PCSK6: variants seen among roughly 807,000 people sequenced by gnomAD.
PCSK6 encodes the protein proprotein convertase subtilisin/kexin type 6, also known as paired basic amino acid cleaving enzyme 4.
PCSK6 carries 85 observed loss-of-function variants against 123.3 expected under a neutral mutation model. The observed-to-expected ratio is 0.69, with a 90% CI of 0.58 to 0.83. The LOEUF (loss-of-function observed/expected upper bound fraction) is 0.83. Among genes scored for constraint, PCSK6 ranks in the 40% least tolerant of loss-of-function variants. PCSK6 has a pLI of 0.00. For missense variants in PCSK6, 1,191 were observed against 1,282.3 expected, an observed-to-expected ratio of 0.93 and a Z score of 1.09; for synonymous variants, 508 against 516.0, an observed-to-expected ratio of 0.98 and a Z score of 0.21.
rs1019672200 is a variant in PCSK6 at position 101,324,992 on chromosome 15, G to A, written c.2235C>T (p.Arg745=). The change falls in exon 17 of 22, where the codon CGC becomes CGT. Residue 745 remains arginine, a synonymous_variant. Coordinates refer to ENST00000611716, the MANE Select transcript of PCSK6 (RefSeq NM_002570.5). ...LGYFGDTAAR[R]CRRCHKGCET... The stretch of plus-strand genomic sequence containing the variant: ...CACACCCCTTGTGGCACCGGCGACA[G>A]CGTCTTGCTGCTGTGTCCCCAAAGT... 1 of 1,612,506 alleles carries A rather than the reference G, an allele frequency of 6.2e-7. No homozygotes were observed. The highest frequency in any genetic ancestry group is 1.3e-5 in the African/African-American group (1 of 74,946).
intron 6 of PCSK6, among the ~76,000 whole-genome samples, chr15:101,422,623 C>CTTT (rs5815013): frequency 6.9e-6 from 1 of 144,942 alleles, no homozygotes. Context: ...TAGAACGAAA[C>CTTT]TTTTTTTTTT....
chr15:101,360,524 GACACACTCCTGCCCGGGGGCCTTA>G, intron 13 of PCSK6, among the ~76,000 whole-genome samples: 1 of 117,380 alleles, frequency 8.5e-6, no homozygotes, highest in African/African-American at 3.4e-5. Flanking sequence ...GAACACACCA[GACACACTCCTGCCCGGGGGCCTTA>G]GCATCCCCTG....
At position 101,331,683 on chromosome 15, in the gene PCSK6, G is replaced by C; in HGVS notation, c.2045C>G (p.Ser682Cys). Residue 682 changes from serine (S) to cysteine (C), a missense_variant, in exon 15 of 22, where the codon TCC becomes TGC. By Grantham distance (112) the Ser-to-Cys change is moderately radical (BLOSUM62 -1). Coordinates refer to ENST00000611716, the MANE Select transcript of PCSK6 (RefSeq NM_002570.5). ...TAAAATATTAGCAGAGCCTGGGGTG[G>C]ATTGAGCTGTGTGAGTGCAAATTGC... ...PEDEEDYTAQSTPGSANILQT... is the reference protein window; with the variant it reads ...PEDEEDYTAQCTPGSANILQT... 6.2e-7 allele frequency: 1 copy of C among 1,613,538 alleles called. No homozygotes were observed. Among genetic ancestry groups the C allele is most frequent in the South Asian group, 1.1e-5 (1 of 90,964 alleles).
At chr15:101,459,455 G>GCC (rs1286540324) in intron 1 of PCSK6, among the ~76,000 whole-genome samples, 1 of 147,930 alleles carries the variant, frequency 6.8e-6, no homozygotes, top group African/African-American at 2.6e-5. Context: ...ATCACCTGCT[G>GCC]CCACCATTCC....
chr15:101,415,237 T>C (rs542726103), intron 6 of PCSK6, among the ~76,000 whole-genome samples: 1 of 152,336 alleles, frequency 6.6e-6, no homozygotes, highest in East Asian at 1.9e-4. Context: ...ATGAACTTGA[T>C]AGAACACACA....
intron 1 of PCSK6, among the ~76,000 whole-genome samples, chr15:101,450,514 T>C (rs1460816209): frequency 6.6e-6 from 1 of 152,182 alleles, no homozygotes; most frequent in Non-Finnish European, 1.5e-5. Context: ...CCCTCCACCA[T>C]AAGCCTTCAA....
Position 101,465,283 on chromosome 15 carries a change from C to T in PCSK6, c.298-21623G>A, listed in dbSNP as rs58926090. 7.6e-3 allele frequency among the ~76,000 whole-genome samples: 1,148 copies of T among 151,308 alleles called. 19 individuals carry two copies. The highest frequency in any genetic ancestry group is 0.026 in the African/African-American group (1,060 of 41,144). ...GACAGGGACACACGCTGACCTCCCA[C>T]TGGCTACTAAACACAGGCCCTAAAC... On this transcript the variant is annotated intron_variant, in intron 1 of 21. Transcript: ENST00000611716.
chr15:101,337,011 CT>C (rs1217392982), intron 13 of PCSK6: 438 of 144,440 alleles, frequency 3.0e-3, no homozygotes, highest in Admixed American at 2.9e-3. Flanking sequence ...CTCTCTCTCT[CT>C]TTTTTTTTTT....
Position 101,324,978 on chromosome 15 carries a change from TG to T in PCSK6, c.2248del (p.His750ThrfsTer28), listed in dbSNP as rs2040216245. On this transcript the variant is annotated frameshift_variant, in exon 17 of 22. Transcript: ENST00000611716. LOFTEE classifies it high-confidence loss of function. ...DTAARRCRRCHKGCETCSSRA... is the reference protein window; with the variant it reads ...DTAARRCRRCXKGCETCSSRA... ...GCTGGAGCAGGTCTCACACCCCTTG[TG>T]GCACCGGCGACAGCGTCTTGCTGCT... is the stretch of plus-strand genomic sequence containing the variant. The T allele has an allele frequency of 1.9e-6, 3 of 1,613,126 alleles. No individual in the cohort carries two copies. Among genetic ancestry groups the T allele is most frequent in the Non-Finnish European group, 2.5e-6 (3 of 1,179,898 alleles).
intron 13 of PCSK6, among the ~76,000 whole-genome samples, chr15:101,348,867 A>T (rs1341818049): frequency 3.3e-5 from 5 of 152,176 alleles, no homozygotes. Context: ...AATCCCGTTC[A>T]GGAGCTCCAG....
At chr15:101,488,085 C>T (rs2058061396) in intron 1 of PCSK6, among the ~76,000 whole-genome samples, 1 of 152,166 alleles carries the variant, frequency 6.6e-6, no homozygotes, top group Admixed American at 6.5e-5. Flanking sequence ...CCTAATAGTA[C>T]ATCAACGTGG....
intron 1 of PCSK6, among the ~76,000 whole-genome samples, chr15:101,475,348 AC>A (rs1386458213): frequency 6.6e-6 from 1 of 152,256 alleles, no homozygotes; most frequent in Non-Finnish European, 1.5e-5. Context: ...GTACTTAAAA[AC>A]AAGGGATGAA....
Position 101,443,587 on chromosome 15 carries a change from C to G in PCSK6, c.371G>C (p.Gly124Ala). Residue 124 changes from glycine to alanine, a missense_variant, in exon 2 of 22, where the codon GGC becomes GCC. Gly to Ala is a moderately conservative substitution (Grantham distance 60). Around this residue, in one of 3 missense-constraint regions of PCSK6, gnomAD observed 204 missense variants for 166.4 expected, o/e 1.23. Transcript: ENST00000611716. ...TFKRSTLSSR[G>A]PHTFLRMDPQ... ...GTCCATTCTGAGGAAGGTGTGAGGGCCTCTGCTACTCAAGGTTGATCTTTT... is the reference window on the plus strand; with the variant it reads ...GTCCATTCTGAGGAAGGTGTGAGGGGCTCTGCTACTCAAGGTTGATCTTTT... 1.9e-6 allele frequency: 3 copies of G among 1,613,814 alleles called. No individual in the cohort carries two copies. The highest frequency in any genetic ancestry group is 2.5e-6 in the Non-Finnish European group (3 of 1,179,728).
At chr15:101,382,070 C>A in intron 11 of PCSK6, 22 bp downstream of exon 11, 1 of 1,544,484 alleles carries the variant, frequency 6.5e-7, no homozygotes, top group Non-Finnish European at 8.8e-7. Context: ...GAGAAGTCAC[C>A]GATGCCACAG....
chr15:101,326,596 C>T lies in PCSK6; in HGVS notation c.2078-117G>A, dbSNP rs2040259419. Reference sequence around the variant, plus strand: ...GGCAGGGTTGGGAGACGCTCCCAGGCCCCGCTGGGGCTGGACGGCCAGACG... The same window carrying T: ...GGCAGGGTTGGGAGACGCTCCCAGGTCCCGCTGGGGCTGGACGGCCAGACG... On this transcript the variant is annotated intron_variant, in intron 15 of 21. Coordinates refer to ENST00000611716, the MANE Select transcript of PCSK6 (RefSeq NM_002570.5). 6.0e-6 allele frequency: 6 copies of T among 992,872 alleles called. No homozygotes were observed. In the Admixed American group the frequency reaches 1.3e-4, roughly 22 times the overall value. The allele number at this position is 992,872 out of a possible 1,614,324, so 61.5% of individuals were successfully genotyped here.
At position 101,384,338 on chromosome 15, in the gene PCSK6, G is replaced by T; in HGVS notation, c.1398C>A (p.Asn466Lys). 6.2e-7 allele frequency: 1 copy of T among 1,613,670 alleles called. No individual in the cohort carries two copies. The highest frequency in any genetic ancestry group is 8.5e-7 in the Non-Finnish European group (1 of 1,179,754). ...CTGCCGCACCTTTATGACCCGCGCC[G>T]TTCACTTTCCAGTCGCTCGCTTTCA... ...AHLKASDWKV[N>K]GAGHKVSHFY... Residue 466 changes from asparagine (N) to lysine (K), a missense_variant, in exon 10 of 22, where the codon AAC becomes AAA. Transcript: ENST00000611716.
At chr15:101,357,799 G>A (rs531663053) in intron 13 of PCSK6, among the ~76,000 whole-genome samples, 2 of 152,282 alleles carry the variant, frequency 1.3e-5, no homozygotes, top group African/African-American at 4.8e-5. Flanking sequence ...CCTCCTAGGG[G>A]GTGCTTCCTG....
intron 6 of PCSK6, among the ~76,000 whole-genome samples, chr15:101,403,412 A>G (rs1219051543): frequency 1.5e-5 from 2 of 131,204 alleles, no homozygotes; most frequent in Non-Finnish European, 3.3e-5. Context: ...CCTAAAACTT[A>G]AAGTATAATA....
intron 1 of PCSK6, among the ~76,000 whole-genome samples, chr15:101,488,264 A>G (rs920015530): frequency 6.6e-6 from 1 of 152,196 alleles, no homozygotes; most frequent in Admixed American, 6.5e-5. Context: ...CTGAGTGTGT[A>G]GTTTGTAGAT....
Sources: gnomAD v4.1 joint callset for allele counts (sites outside exome capture counted in the v4.1 genomes callset) on GRCh38, gnomAD v4.1.1 for gene constraint, gnomAD v4.1.1 regional missense constraint, MANE v1.5 for transcripts, NCBI Gene and HGNC (gene_info 2026-07-23, HGNC 2026-07-21) for gene names.